NRG3: variants seen among roughly 807,000 people sequenced by gnomAD.
The protein encoded by NRG3 is pro-neuregulin-3, membrane-bound isoform.
In NRG3, 31 loss-of-function variants were observed where a neutral mutation model predicts 66.9. The observed-to-expected ratio is 0.46, with a 90% confidence interval of 0.35 to 0.63. The LOEUF (loss-of-function observed/expected upper bound fraction) is 0.63, where lower values mean the gene tolerates loss of function less well. Among genes scored for constraint, NRG3 ranks in the 20% least tolerant of loss-of-function variants. The probability of loss-of-function intolerance (pLI) is 0.00; values close to 1 mark genes in which losing one functional copy is unlikely to be tolerated. For synonymous variants in NRG3, 393 were observed against 359.4 expected (o/e 1.09, Z -1.06); for missense variants, 910 against 878.9 (o/e 1.04, Z -0.45).
chr10:82,214,581 G>A (rs1481902845), intron 1 of NRG3, among the ~76,000 whole-genome samples: 3 of 152,078 alleles, frequency 2.0e-5, no homozygotes, highest in Non-Finnish European at 4.4e-5. Flanking sequence ...CCTCACTGTA[G>A]TCTCCCAAGT....
intron 2 of NRG3, among the ~76,000 whole-genome samples, chr10:82,568,726 A>G (rs1278554685): frequency 1.3e-5 from 2 of 151,734 alleles, no homozygotes; most frequent in Non-Finnish European, 2.9e-5. Context: ...TCTCAGTTCA[A>G]ATTACGTTTA....
chr10:82,670,100 TTGATTCTGG>T (rs1403951175), intron 2 of NRG3, among the ~76,000 whole-genome samples: 1 of 152,194 alleles, frequency 6.6e-6, no homozygotes, highest in Non-Finnish European at 1.5e-5. Context: ...CAAGATGACC[TTGATTCTGG>T]TGATTAGAAA....
At chr10:82,971,436 CT>C (rs11289529) in intron 6 of NRG3, among the ~76,000 whole-genome samples, 92,856 of 121,800 alleles carry the variant, frequency 0.76, 34,397 homozygotes, top group Middle Eastern at 0.88. Context: ...GAAAGCCGTT[CT>C]TTTTTTTTTT....
At chr10:81,920,332 CTATT>C (rs1020542617) in intron 1 of NRG3, among the ~76,000 whole-genome samples, 5 of 152,144 alleles carry the variant, frequency 3.3e-5, no homozygotes, top group Non-Finnish European at 5.9e-5. Context: ...GTTCCTCACT[CTATT>C]TGATTGGAGT....
At chr10:82,580,420 G>A (rs1205968875) in intron 2 of NRG3, among the ~76,000 whole-genome samples, 2 of 151,784 alleles carry the variant, frequency 1.3e-5, no homozygotes, top group East Asian at 1.9e-4. Flanking sequence ...ACTGAAGTCC[G>A]TAGTTTCCAT....
intron 1 of NRG3, among the ~76,000 whole-genome samples, chr10:82,206,823 G>T (rs142772766): frequency 6.6e-6 from 1 of 152,082 alleles, no homozygotes; most frequent in Admixed American, 6.5e-5. Context: ...GAAATAACAC[G>T]TTTTAAAAAT....
chr10:82,326,293 G>T (rs1182441452), intron 1 of NRG3, among the ~76,000 whole-genome samples: 2 of 152,064 alleles, frequency 1.3e-5, no homozygotes, highest in Admixed American at 6.5e-5. Context: ...GTATAATGCA[G>T]CTTTTTCTGT....
intron 1 of NRG3, among the ~76,000 whole-genome samples, chr10:82,088,827 A>G (rs79591587): frequency 9.1e-4 from 139 of 152,228 alleles, no homozygotes; most frequent in African/African-American, 3.3e-3. Flanking sequence ...AATTTTAGTC[A>G]TAAACAAAAT....
intron 1 of NRG3, among the ~76,000 whole-genome samples, chr10:82,125,459 A>G (rs1341866885): frequency 6.6e-6 from 1 of 152,080 alleles, no homozygotes; most frequent in Non-Finnish European, 1.5e-5. Context: ...TCATGGCTGT[A>G]TATATTTAAC....
At chr10:82,011,983 C>T (rs940612172) in intron 1 of NRG3, among the ~76,000 whole-genome samples, 7 of 152,168 alleles carry the variant, frequency 4.6e-5, no homozygotes, top group Admixed American at 6.5e-5. Flanking sequence ...TCTCATGGCT[C>T]CACTAGGCAA....
intron 1 of NRG3, among the ~76,000 whole-genome samples, chr10:82,161,687 AG>A (rs2071615086): frequency 6.6e-6 from 1 of 152,110 alleles, no homozygotes; most frequent in African/African-American, 2.4e-5. Flanking sequence ...ACTGCCTTTC[AG>A]TAACAGGTGC....
intron 2 of NRG3, among the ~76,000 whole-genome samples, chr10:82,675,380 A>G (rs2053611319): frequency 6.6e-6 from 1 of 152,130 alleles, no homozygotes; most frequent in South Asian, 2.1e-4. Flanking sequence ...TGTGCTGAAT[A>G]GTTTCTGGTG....
intron 2 of NRG3, among the ~76,000 whole-genome samples, chr10:82,388,354 G>T (rs2086143961): frequency 6.6e-6 from 1 of 152,170 alleles, no homozygotes; most frequent in Admixed American, 6.5e-5. Flanking sequence ...ATTTGCTTGT[G>T]TATGGATTTT....
At position 82,359,038 on chromosome 10, in the gene NRG3, A is replaced by G. The variant is rs576822436; in HGVS notation, c.953+170A>G. On this transcript the variant is annotated intron_variant, in intron 2 of 8. Coordinates refer to ENST00000372141, the MANE Select transcript of NRG3 (RefSeq NM_001010848.4). ...AAAGGGCAAGGCTGCTGCCTCTTTA[A>G]CAGTGGAAGAAGACAAAATGGAAAC... Among the ~76,000 whole-genome samples, 5 of 152,338 alleles carry G rather than the reference A, an allele frequency of 3.3e-5. No individual in the cohort carries two copies. The South Asian group carries it at 1.0e-3, about 32-fold the overall frequency.
intron 2 of NRG3, among the ~76,000 whole-genome samples, chr10:82,592,891 C>T (rs892629824): frequency 6.6e-6 from 1 of 152,180 alleles, no homozygotes; most frequent in African/African-American, 2.4e-5. Flanking sequence ...AATCATGCTT[C>T]CTTTCTAATG....
At chr10:81,932,411 G>T (rs1028973369) in intron 1 of NRG3, among the ~76,000 whole-genome samples, 27 of 152,092 alleles carry the variant, frequency 1.8e-4, no homozygotes, top group African/African-American at 6.3e-4. Flanking sequence ...TCTACATGAG[G>T]TTTAGCTGGG....
chr10:82,453,062 T>C (rs1033007831), intron 2 of NRG3, among the ~76,000 whole-genome samples: 5 of 152,178 alleles, frequency 3.3e-5, no homozygotes, highest in Admixed American at 3.3e-4. Flanking sequence ...ACTGTACCAC[T>C]CTGTGTGATC....
chr10:82,986,416 G>A lies in NRG3; in HGVS notation c.*811G>A, dbSNP rs1443867171. The A allele has an allele frequency of 6.6e-6, 1 of 152,126 alleles. No individual in the cohort carries two copies. Among genetic ancestry groups the A allele is most frequent in the Non-Finnish European group, 1.5e-5 (1 of 68,034 alleles). 9.4% of individuals were successfully genotyped at this position (152,126 alleles called of 1,614,324 possible). A position where few individuals can be genotyped will look rare whatever the true frequency, so the allele number is the denominator to read the frequency against. The stretch of plus-strand genomic sequence containing the variant: ...TGTGTGTGTGTGGACTTGCTCACGC[G>A]GGCACATATGCTGTAAGCACATGTG... On this transcript the variant is annotated 3_prime_UTR_variant, in exon 9 of 9. Coordinates refer to ENST00000372141, the MANE Select transcript of NRG3 (RefSeq NM_001010848.4).
chr10:82,648,163 T>A (rs2133865458), intron 2 of NRG3, among the ~76,000 whole-genome samples: 1 of 152,278 alleles, frequency 6.6e-6, no homozygotes, highest in Middle Eastern at 3.4e-3. Flanking sequence ...CTTTAATCCA[T>A]CTTGAATTCA....
Sources: allele counts gnomAD v4.1 joint callset (sites outside exome capture counted in the v4.1 genomes callset), GRCh38; gene constraint gnomAD v4.1.1; transcripts MANE v1.5; gene names NCBI Gene and HGNC (gene_info 2026-07-23, HGNC 2026-07-21).